Variants in RTN1 observed in about 807,000 individuals in gnomAD.
RTN1 encodes the protein reticulon 1.
In RTN1, 25 loss-of-function variants were observed where a neutral mutation model predicts 65.5. That is an observed-to-expected ratio of 0.38 (90% CI 0.28 to 0.53). RTN1 has a LOEUF of 0.53. Ranked by LOEUF, RTN1 falls within the 20% of genes least tolerant of loss-of-function variation. The pLI is 0.79. For missense variants in RTN1, 983 were observed against 1,025.4 expected (o/e 0.96, Z 0.57); for synonymous variants, 471 against 447.6 (o/e 1.05, Z -0.66).
intron 3 of RTN1, among the ~76,000 whole-genome samples, chr14:59,635,136 C>T (rs983347207): frequency 6.6e-6 from 1 of 152,130 alleles, no homozygotes; most frequent in Non-Finnish European, 1.5e-5. Flanking sequence ...TAAGGCATCG[C>T]AGACAAGGAG....
chr14:59,853,034 GC>G (rs1472564942), intron 1 of RTN1, among the ~76,000 whole-genome samples: 1 of 152,028 alleles, frequency 6.6e-6, no homozygotes, highest in Non-Finnish European at 1.5e-5. Flanking sequence ...TGAAACTATT[GC>G]CCCTGTGTAA....
chr14:59,691,743 A>G (rs1883966631), intron 3 of RTN1, among the ~76,000 whole-genome samples: 1 of 152,186 alleles, frequency 6.6e-6, no homozygotes, highest in African/African-American at 2.4e-5. Context: ...ACCAAAATCA[A>G]GTGGGCTTTA....
At chr14:59,721,883 T>C (rs1184888804) in intron 3 of RTN1, among the ~76,000 whole-genome samples, 1 of 152,188 alleles carries the variant, frequency 6.6e-6, no homozygotes, top group African/African-American at 2.4e-5. Flanking sequence ...GGATCCAGAC[T>C]TAGTTCTTCT....
chr14:59,599,014 GAATAT>G (rs1329469243), intron 8 of RTN1, among the ~76,000 whole-genome samples: 2 of 152,134 alleles, frequency 1.3e-5, no homozygotes, highest in East Asian at 1.9e-4. Flanking sequence ...GGCCAATATG[GAATAT>G]AATATGACTG....
At chr14:59,860,404 G>A (rs2139674585) in intron 1 of RTN1, among the ~76,000 whole-genome samples, 1 of 152,354 alleles carries the variant, frequency 6.6e-6, no homozygotes, top group African/African-American at 2.4e-5. Context: ...GAGGATGTAT[G>A]CAAGCACCTG....
intron 3 of RTN1, among the ~76,000 whole-genome samples, chr14:59,644,405 A>G (rs1011713268): frequency 1.3e-5 from 2 of 152,130 alleles, no homozygotes; most frequent in African/African-American, 4.8e-5. Context: ...TACAACCCTC[A>G]GGTCAAGAGA....
At chr14:59,703,825 G>C (rs1884232561) in intron 3 of RTN1, among the ~76,000 whole-genome samples, 1 of 152,130 alleles carries the variant, frequency 6.6e-6, no homozygotes, top group Non-Finnish European at 1.5e-5. Context: ...TGAAATTTTG[G>C]TTGTTAGCCA....
chr14:59,730,949 C>T (rs569562059), intron 2 of RTN1, among the ~76,000 whole-genome samples: 1 of 152,270 alleles, frequency 6.6e-6, no homozygotes, highest in African/African-American at 2.4e-5. Context: ...CTGACAGCTC[C>T]TTAAATATTT....
intron 3 of RTN1, among the ~76,000 whole-genome samples, chr14:59,677,892 T>C (rs1883660287): frequency 6.6e-6 from 1 of 152,176 alleles, no homozygotes; most frequent in African/African-American, 2.4e-5. Flanking sequence ...GGAAATTTCC[T>C]AGCAAACCAC....
At chr14:59,778,507 T>C (rs990255225) in intron 1 of RTN1, among the ~76,000 whole-genome samples, 20 of 152,206 alleles carry the variant, frequency 1.3e-4, no homozygotes, top group African/African-American at 3.9e-4. Context: ...CCAATATTCA[T>C]TGAGTGCTCA....
Position 59,835,576 on chromosome 14 carries a change from T to C in RTN1, c.241+34814A>G, listed in dbSNP as rs146235554. ...CACTGTTGTAGGCACTAGCATTCAA[T>C]AGTGATCAAACTGGACAAAATATAA... On this transcript the variant is annotated intron_variant, in intron 1 of 8. Coordinates refer to ENST00000267484, the MANE Select transcript of RTN1 (RefSeq NM_021136.3). 7.8e-4 allele frequency among the ~76,000 whole-genome samples: 119 copies of C among 152,342 alleles called. No homozygotes were observed. In the East Asian group the frequency reaches 0.018, roughly 23 times the overall value.
chr14:59,851,855 C>CA (rs5809049), intron 1 of RTN1, among the ~76,000 whole-genome samples: 2,379 of 87,950 alleles, frequency 0.027, 72 homozygotes, highest in African/African-American at 0.088. Flanking sequence ...GACACAGTCT[C>CA]AAAAAAAAAA....
chr14:59,696,589 C>T (rs190988514), intron 3 of RTN1, among the ~76,000 whole-genome samples: 9 of 152,008 alleles, frequency 5.9e-5, no homozygotes, highest in Non-Finnish European at 1.3e-4. Context: ...AAGGGCAGGG[C>T]TGGCAGGCTG....
intron 1 of RTN1, among the ~76,000 whole-genome samples, chr14:59,856,281 A>C (rs1887606717): frequency 6.6e-6 from 1 of 152,184 alleles, no homozygotes; most frequent in African/African-American, 2.4e-5. Flanking sequence ...TTTTTATATA[A>C]GACTTTAATC....
At chr14:59,651,599 A>G (rs1883021040) in intron 3 of RTN1, among the ~76,000 whole-genome samples, 2 of 152,040 alleles carry the variant, frequency 1.3e-5, no homozygotes, top group Non-Finnish European at 2.9e-5. Flanking sequence ...TTAGCTGAGC[A>G]TGGTAGCAGG....
intron 1 of RTN1, among the ~76,000 whole-genome samples, chr14:59,795,894 G>A (rs1047018668): frequency 1.3e-5 from 2 of 152,050 alleles, no homozygotes; most frequent in African/African-American, 4.8e-5. Context: ...TGAGGAAATG[G>A]CCAGAATTGG....
At chr14:59,801,378 G>A (rs1273301407) in intron 1 of RTN1, among the ~76,000 whole-genome samples, 1 of 152,148 alleles carries the variant, frequency 6.6e-6, no homozygotes, top group Admixed American at 6.6e-5. Context: ...ACAGACAGGG[G>A]AGGAAAGATA....
At chr14:59,839,273 A>T (rs1317785392) in intron 1 of RTN1, among the ~76,000 whole-genome samples, 1 of 152,212 alleles carries the variant, frequency 6.6e-6, no homozygotes, top group Admixed American at 6.5e-5. Flanking sequence ...GTTCTGTATT[A>T]CTACAAAAAT....
At position 59,603,278 on chromosome 14, in the gene RTN1, T is replaced by C. The variant is rs1253592114; in HGVS notation, c.2183-20A>G. Reference sequence around the variant, plus strand: ...CCACAGCTGGGATGAAAAACAAATATAGTATTAAAATTCTGAGTTATCAAT... The same window carrying C: ...CCACAGCTGGGATGAAAAACAAATACAGTATTAAAATTCTGAGTTATCAAT... On this transcript the variant is annotated intron_variant, in intron 6 of 8. Transcript: ENST00000267484. The C allele has an allele frequency of 5.6e-6, 9 of 1,600,684 alleles. No individual in the cohort carries two copies. The highest frequency in any genetic ancestry group is 7.7e-6 in the Non-Finnish European group (9 of 1,170,530).
Sources: allele counts gnomAD v4.1 joint callset (sites outside exome capture counted in the v4.1 genomes callset), GRCh38; gene constraint gnomAD v4.1.1; transcripts MANE v1.5; gene names NCBI Gene and HGNC (gene_info 2026-07-23, HGNC 2026-07-21).